The following PIN1 variants were observed in gnomAD, a reference collection of about 807,000 sequenced individuals.
PIN1 encodes peptidylprolyl cis/trans isomerase, NIMA-interacting 1.
A neutral mutation model predicts 19.9 loss-of-function variants in PIN1; 8 were observed. That is an observed-to-expected ratio of 0.40 (90% confidence interval 0.24 to 0.72). The LOEUF (loss-of-function observed/expected upper bound fraction) is 0.72. Ranked by LOEUF, PIN1 falls within the 30% of genes least tolerant of loss-of-function variation. The pLI is 0.37. For missense variants in PIN1, 185 were observed against 226.5 expected, an observed-to-expected ratio of 0.82 and a Z score of 1.18; for synonymous variants, 86 against 90.8, an observed-to-expected ratio of 0.95 and a Z score of 0.30.
intron 2 of PIN1, among the ~76,000 whole-genome samples, chr19:9,842,009 G>A (rs1174161835): frequency 1.3e-5 from 2 of 152,126 alleles, no homozygotes; most frequent in Non-Finnish European, 2.9e-5. Flanking sequence ...AGGGTGTCTC[G>A]CCCATCTCTG....
chr19:9,848,453 C>G, intron 3 of PIN1: 1 of 374,860 alleles, frequency 2.7e-6, no homozygotes, highest in Non-Finnish European at 5.0e-6. Context: ...TCTGCCTCTT[C>G]CTTTTTGTGG....
At chr19:9,848,641 T>C (rs890118935) in intron 3 of PIN1, 1 of 232,906 alleles carries the variant, frequency 4.3e-6, no homozygotes, top group Admixed American at 5.2e-5. Context: ...GTCCTCGGGG[T>C]CTACAGAAAA....
chr19:9,842,025 G>A (rs2046172034), intron 2 of PIN1, among the ~76,000 whole-genome samples: 1 of 152,192 alleles, frequency 6.6e-6, no homozygotes, highest in African/African-American at 2.4e-5. Context: ...CTCTGGGTTG[G>A]ACAGGTGCAC....
intron 1 of PIN1, chr19:9,836,547 G>A: frequency 3.4e-6 from 1 of 290,240 alleles, no homozygotes; most frequent in Non-Finnish European, 7.0e-6. Flanking sequence ...TTTCTGCTCA[G>A]TTCAACCCTG....
At chr19:9,845,625 A>G (rs1257371611) in intron 2 of PIN1, among the ~76,000 whole-genome samples, 2 of 152,226 alleles carry the variant, frequency 1.3e-5, no homozygotes, top group Non-Finnish European at 2.9e-5. Context: ...AAGGAAAACA[A>G]AAACAGTCAT....
chr19:9,848,318 A>C (rs1041422511), intron 3 of PIN1, 178 bp downstream of exon 3: 1 of 609,890 alleles, frequency 1.6e-6, no homozygotes, highest in African/African-American at 1.8e-5. Context: ...GGCCAGGGCC[A>C]CACAGGGAGG....
At chr19:9,839,980 A>T (rs538459030) in intron 2 of PIN1, among the ~76,000 whole-genome samples, 46 of 152,320 alleles carry the variant, frequency 3.0e-4, no homozygotes, top group Non-Finnish European at 6.5e-4. Context: ...AGCCTGGGTG[A>T]CAGAGCAAGA....
intron 2 of PIN1, among the ~76,000 whole-genome samples, chr19:9,840,906 T>C (rs1224084812): frequency 6.6e-6 from 1 of 152,176 alleles, no homozygotes; most frequent in Non-Finnish European, 1.5e-5. Context: ...TGTCAGTCTT[T>C]TTCATTTATA....
intron 1 of PIN1, chr19:9,836,817 G>T: frequency 3.1e-6 from 4 of 1,286,758 alleles, no homozygotes; most frequent in Non-Finnish European, 2.0e-6. Context: ...TGTGTGCCTG[G>T]AACAGAGTAA....
chr19:9,837,234 A>C (rs1489995078), intron 1 of PIN1: 1 of 174,962 alleles, frequency 5.7e-6, no homozygotes. Flanking sequence ...GCGCACTGCA[A>C]CCTCTGCCTC....
chr19:9,838,688 TC>T lies in PIN1; in HGVS notation c.271+43del, dbSNP rs1210807769. On this transcript the variant is annotated intron_variant, in intron 2 of 3. Transcript: ENST00000247970. The surrounding 1 kb of genome is among the most constrained non-coding windows in gnomAD (Gnocchi z 5.8). ...GGCAGGGGCTTGGGAGGGGGTCTTC[TC>T]CCAGGTGAGCCTTTGTAGAAGTCAC... 2 of 1,464,068 alleles carry T rather than the reference TC, an allele frequency of 1.4e-6. No individual in the cohort carries two copies. The highest frequency in any genetic ancestry group is 3.9e-5 in the Admixed American group (2 of 50,666). 90.7% of individuals were successfully genotyped at this position (1,464,068 alleles called of 1,614,324 possible).
chr19:9,847,164 A>G (rs773100035), intron 2 of PIN1, among the ~76,000 whole-genome samples: 1 of 152,112 alleles, frequency 6.6e-6, no homozygotes, highest in Non-Finnish European at 1.5e-5. Flanking sequence ...ACACAGTCAC[A>G]CCACACACAC....
At chr19:9,843,949 C>T (rs908007926) in intron 2 of PIN1, among the ~76,000 whole-genome samples, 15 of 152,112 alleles carry the variant, frequency 9.9e-5, no homozygotes, top group African/African-American at 3.6e-4. Flanking sequence ...ACTCAGGAGG[C>T]TGAGGCAGGA....
Position 9,849,171 on chromosome 19 carries a change from G to A in PIN1, c.464G>A (p.Gly155Asp). The A allele has an allele frequency of 1.2e-6, 2 of 1,612,656 alleles. No homozygotes were observed. The highest frequency in any genetic ancestry group is 1.1e-5 in the South Asian group (1 of 90,928). Residue 155 changes from glycine (G) to aspartate (D), a missense_variant, in exon 4 of 4, where the codon GGC becomes GAC. Transcript: ENST00000247970. ...AGCGGGCCCGTGTTCACGGATTCCGGCATCCACATCATCCTCCGCACTGAG... is the reference window on the plus strand; with the variant it reads ...AGCGGGCCCGTGTTCACGGATTCCGACATCCACATCATCCTCCGCACTGAG... The part of the protein sequence containing the change: ...EMSGPVFTDS[G>D]IHIILRTE
Position 9,838,385 on chromosome 19 carries a change from G to A in PIN1, c.59-51G>A, listed in dbSNP as rs1026787357. The A allele has an allele frequency of 2.2e-5, 32 of 1,434,834 alleles. No homozygotes were observed. The highest frequency in any genetic ancestry group is 2.4e-4 in the Middle Eastern group (1 of 4,128). The allele number at this position is 1,434,834 out of a possible 1,614,324, so 88.9% of individuals were successfully genotyped here. Reference sequence around the variant, plus strand: ...CTGGCTTCTGGCTGTGGGCCCAGGGGTGTCCTGGGAGCACAACCCTAGCTG... The same window carrying A: ...CTGGCTTCTGGCTGTGGGCCCAGGGATGTCCTGGGAGCACAACCCTAGCTG... On this transcript the variant is annotated intron_variant, in intron 1 of 3. Transcript: ENST00000247970. This position sits in a 1 kb window ranked among gnomAD's most constrained non-coding sequence, Gnocchi z 5.8.
At chr19:9,845,739 G>A (rs1371267468) in intron 2 of PIN1, among the ~76,000 whole-genome samples, 5 of 152,208 alleles carry the variant, frequency 3.3e-5, no homozygotes, top group African/African-American at 1.2e-4. Flanking sequence ...GCTTTTATTT[G>A]TTTTTAAGTG....
chr19:9,838,382 G>A lies in PIN1; in HGVS notation c.59-54G>A. ...ACCCTGGCTTCTGGCTGTGGGCCCA[G>A]GGGTGTCCTGGGAGCACAACCCTAG... is the stretch of plus-strand genomic sequence containing the variant. On this transcript the variant is annotated intron_variant, in intron 1 of 3. Transcript: ENST00000247970. This position sits in a 1 kb window ranked among gnomAD's most constrained non-coding sequence, Gnocchi z 5.8. The A allele has an allele frequency of 6.9e-7, 1 of 1,446,786 alleles. No individual in the cohort carries two copies. The highest frequency in any genetic ancestry group is 1.2e-5 in the South Asian group (1 of 82,280). 89.6% of individuals were successfully genotyped at this position (1,446,786 alleles called of 1,614,324 possible). A position where few individuals can be genotyped will look rare whatever the true frequency, so the allele number is the denominator to read the frequency against.
At chr19:9,844,659 C>T (rs1427872755) in intron 2 of PIN1, among the ~76,000 whole-genome samples, 3 of 152,184 alleles carry the variant, frequency 2.0e-5, no homozygotes, top group African/African-American at 2.4e-5. Flanking sequence ...CTCCAGCACC[C>T]GACAGTCCCC....
In PIN1 at chr19:9,835,414, G is replaced by A. The variant is rs1472633181; in HGVS notation, c.58+12G>A. The stretch of plus-strand genomic sequence containing the variant: ...GAGCCGCAGCTCAGGTGCCGCGGGG[G>A]TCGGGGCTGGGGCGGGACTGCGCGG... On this transcript the variant is annotated intron_variant, in intron 1 of 3. Transcript: ENST00000247970. 1.3e-6 allele frequency: 2 copies of A among 1,497,494 alleles called. No homozygotes were observed. Among genetic ancestry groups the A allele is most frequent in the Admixed American group, 4.2e-5 (2 of 48,128 alleles). The allele number at this position is 1,497,494 out of a possible 1,614,324, so 92.8% of individuals were successfully genotyped here. A position where few individuals can be genotyped will look rare whatever the true frequency, so the allele number is the denominator to read the frequency against.
Sources: gnomAD v4.1 joint callset for allele counts (sites outside exome capture counted in the v4.1 genomes callset) on GRCh38, gnomAD v4.1.1 for gene constraint, Gnocchi (gnomAD v3.1) non-coding constraint, MANE v1.5 for transcripts, NCBI Gene and HGNC (gene_info 2026-07-23, HGNC 2026-07-21) for gene names.